ARSG: variants seen among roughly 807,000 people sequenced by gnomAD.
ARSG encodes arylsulfatase G, also known as ASG.
In ARSG, 37 loss-of-function variants were observed where a neutral mutation model predicts 50.5. That is an observed-to-expected ratio of 0.73 (90% CI 0.56 to 0.96). ARSG has a LOEUF of 0.96. Ranked by LOEUF, ARSG falls within the 50% of genes least tolerant of loss-of-function variation. The pLI is 0.00. For missense variants in ARSG, 629 were observed against 675.3 expected (o/e 0.93, Z 0.76); for synonymous variants, 225 against 254.6 (o/e 0.88, Z 1.11).
intron 6 of ARSG, among the ~76,000 whole-genome samples, chr17:68,363,650 A>G (rs1397194457): frequency 1.3e-5 from 2 of 152,070 alleles, no homozygotes; most frequent in Non-Finnish European, 2.9e-5. Flanking sequence ...TATTTTTAGT[A>G]GAGATGGGGT....
At chr17:68,310,098 C>T (rs1166758799) in intron 2 of ARSG, among the ~76,000 whole-genome samples, 6 of 151,874 alleles carry the variant, frequency 4.0e-5, no homozygotes, top group South Asian at 2.1e-4. Context: ...CTCAGCCTCC[C>T]GAGTAGCTGG....
chr17:68,268,913 G>A, intron 1 of ARSG: 4 of 1,349,870 alleles, frequency 3.0e-6, no homozygotes, highest in South Asian at 1.5e-5. Flanking sequence ...AAAAAAAAAA[G>A]CTTAAAACAA....
At chr17:68,343,454 G>T in intron 2 of ARSG, 150 bp from the exon 3 acceptor site, 1 of 799,390 alleles carries the variant, frequency 1.3e-6, no homozygotes, top group Non-Finnish European at 1.9e-6. Context: ...ACCGCGCCTG[G>T]CCAGAAATCC....
chr17:68,349,978 C>G (rs1415947050), intron 4 of ARSG, among the ~76,000 whole-genome samples: 1 of 152,168 alleles, frequency 6.6e-6, no homozygotes, highest in African/African-American at 2.4e-5. Context: ...AGGAGTGCAT[C>G]ACTAATGGGG....
chr17:68,450,974 C>T, the ARSG span: 23 of 1,517,838 alleles, frequency 1.5e-5, 1 homozygote, highest in African/African-American at 1.1e-4. Context: ...GACACTGGGC[C>T]CGGCGCAGGC....
chr17:68,294,309 A>G (rs544856806), intron 1 of ARSG, among the ~76,000 whole-genome samples: 1 of 152,324 alleles, frequency 6.6e-6, no homozygotes, highest in South Asian at 2.1e-4. Context: ...GCATAGGGTC[A>G]TTTGCATGAG....
chr17:68,338,431 C>T (rs144180614), intron 2 of ARSG, among the ~76,000 whole-genome samples: 1 of 152,156 alleles, frequency 6.6e-6, no homozygotes, highest in African/African-American at 2.4e-5. Context: ...TCCCCTGCCC[C>T]TTCCCTTCAA....
intron 2 of ARSG, among the ~76,000 whole-genome samples, chr17:68,316,036 A>G (rs2077056464): frequency 6.6e-6 from 1 of 152,148 alleles, no homozygotes; most frequent in South Asian, 2.1e-4. Flanking sequence ...GGTGCCTGCA[A>G]TCTTATCCTG....
intron 5 of ARSG, among the ~76,000 whole-genome samples, chr17:68,354,412 C>CAA (rs1011747696): frequency 1.0e-5 from 1 of 95,312 alleles, no homozygotes; most frequent in Non-Finnish European, 2.1e-5. Context: ...GATCCTGTCT[C>CAA]AAAAAAAAAA....
At chr17:68,443,242 C>T in the ARSG span, among the ~76,000 whole-genome samples, 1 of 152,126 alleles carries the variant, frequency 6.6e-6, no homozygotes, top group African/African-American at 2.4e-5. Flanking sequence ...TCCCAAGTAG[C>T]TGGGATTACA....
chr17:68,342,803 C>G (rs2078329084), intron 2 of ARSG, among the ~76,000 whole-genome samples: 1 of 152,150 alleles, frequency 6.6e-6, no homozygotes, highest in South Asian at 2.1e-4. Flanking sequence ...AGCCATGGCT[C>G]TAAATACACT....
At chr17:68,263,536 CT>C (rs1555745680) in intron 1 of ARSG, among the ~76,000 whole-genome samples, 1 of 152,226 alleles carries the variant, frequency 6.6e-6, no homozygotes, top group Non-Finnish European at 1.5e-5. Flanking sequence ...GTGATGCCAT[CT>C]GGACTCACTG....
chr17:68,424,463 A>C (rs770939948), downstream of ARSG: 1 of 534,702 alleles, frequency 1.9e-6, no homozygotes, highest in Non-Finnish European at 3.8e-6. Flanking sequence ...TGGAAGCTCA[A>C]TGGACACAAA....
chr17:68,433,779 T>G, the ARSG span, among the ~76,000 whole-genome samples: 100 of 70,574 alleles, frequency 1.4e-3, no homozygotes, highest in Non-Finnish European at 2.8e-3. Context: ...TTTTTTTTTT[T>G]TTTTTTTTTT....
the ARSG span, among the ~76,000 whole-genome samples, chr17:68,442,500 G>T: frequency 6.6e-6 from 1 of 151,228 alleles, no homozygotes; most frequent in Non-Finnish European, 1.5e-5. Flanking sequence ...ACATCTGTTT[G>T]CAAGGGAGGG....
intron 1 of ARSG, chr17:68,273,930 AGATGATGCC>A (rs1555749967): frequency 8.1e-6 from 13 of 1,614,102 alleles, no homozygotes; most frequent in Non-Finnish European, 9.3e-6. Context: ...CACTTACCAG[AGATGATGCC>A]GATGGCGACG....
intron 5 of ARSG, among the ~76,000 whole-genome samples, chr17:68,356,047 A>T (rs1389061586): frequency 1.3e-5 from 2 of 151,842 alleles, no homozygotes; most frequent in Non-Finnish European, 2.9e-5. Context: ...ATGCCCAGCT[A>T]ATTTTTGTAT....
the ARSG span, among the ~76,000 whole-genome samples, chr17:68,436,820 A>G: frequency 6.6e-6 from 1 of 152,056 alleles, no homozygotes; most frequent in Admixed American, 6.6e-5. Flanking sequence ...AACATGGTGA[A>G]ACCCCATCTC....
chr17:68,356,354 T>C (rs1386036086), intron 5 of ARSG, among the ~76,000 whole-genome samples: 6 of 152,176 alleles, frequency 3.9e-5, no homozygotes, highest in Non-Finnish European at 4.4e-5. Context: ...TTGACATCAT[T>C]TAGGTTCTTT....
Sources: gnomAD v4.1 joint callset for allele counts (sites outside exome capture counted in the v4.1 genomes callset) on GRCh38, gnomAD v4.1.1 for gene constraint, MANE v1.5 for transcripts, NCBI Gene and HGNC (gene_info 2026-07-23, HGNC 2026-07-21) for gene names.